The following ARHGEF4 variants were observed in gnomAD, a reference collection of about 807,000 sequenced individuals.
ARHGEF4 encodes the protein APC-stimulated guanine nucleotide exchange factor 1.
A neutral mutation model predicts 162.0 loss-of-function variants in ARHGEF4; 119 were observed. The observed-to-expected ratio is 0.73, with a 90% confidence interval of 0.63 to 0.86. ARHGEF4 has a LOEUF of 0.86. Among genes scored for constraint, ARHGEF4 ranks in the 40% least tolerant of loss-of-function variants. The pLI is 0.00. For synonymous variants in ARHGEF4, 1,014 were observed against 979.9 expected (o/e 1.03, Z -0.65); for missense variants, 2,488 against 2,456.0 (o/e 1.01, Z -0.28).
chr2:130,889,283 G>A (rs982448506), intron 1 of ARHGEF4, among the ~76,000 whole-genome samples: 5 of 151,918 alleles, frequency 3.3e-5, no homozygotes, highest in African/African-American at 9.7e-5. Flanking sequence ...ACTGACTTCT[G>A]CAGTACTCTT....
intron 1 of ARHGEF4, among the ~76,000 whole-genome samples, chr2:130,855,990 G>A (rs1681755247): frequency 6.6e-6 from 1 of 152,182 alleles, no homozygotes. Context: ...ATAGGAAAGT[G>A]TGACCCATAT....
At chr2:131,006,661 C>A (rs1688130590) in intron 4 of ARHGEF4, among the ~76,000 whole-genome samples, 1 of 152,172 alleles carries the variant, frequency 6.6e-6, no homozygotes, top group African/African-American at 2.4e-5. Context: ...ACCTAGGCAT[C>A]TTTTATGCTT....
At position 130,900,321 on chromosome 2, in the gene ARHGEF4, CCG is replaced by C. The variant is rs531562273; in HGVS notation, c.40-13664_40-13663del. 2.6e-3 allele frequency among the ~76,000 whole-genome samples: 396 copies of C among 152,252 alleles called. 2 individuals are homozygous for C. The highest frequency in any genetic ancestry group is 9.1e-3 in the African/African-American group (379 of 41,534). ...TATTGCTGATAGTCCTCAACTATAA[CCG>C]TGGGTTTTTCTATTTCTTTTTTGAG... On this transcript the variant is annotated intron_variant, in intron 1 of 13. Transcript: ENST00000409359.
At chr2:130,838,670 GAAGGA>G in intron 1 of ARHGEF4, among the ~76,000 whole-genome samples, 1 of 151,940 alleles carries the variant, frequency 6.6e-6, no homozygotes, top group Non-Finnish European at 1.5e-5. Flanking sequence ...GGGAGGGAAG[GAAGGA>G]AAGAAACGTG....
At chr2:130,956,436 G>T (rs1684277185) in intron 4 of ARHGEF4, among the ~76,000 whole-genome samples, 1 of 151,908 alleles carries the variant, frequency 6.6e-6, no homozygotes, top group Admixed American at 6.6e-5. Flanking sequence ...TCTAGAACTA[G>T]AAATACCATT....
intron 1 of ARHGEF4, among the ~76,000 whole-genome samples, chr2:130,907,997 A>G (rs1245721897): frequency 6.6e-6 from 1 of 151,920 alleles, no homozygotes; most frequent in Admixed American, 6.6e-5. Context: ...TCGTGTGAGT[A>G]TAATTTTTCC....
At chr2:130,909,485 G>T (rs1681038183) in intron 1 of ARHGEF4, among the ~76,000 whole-genome samples, 1 of 152,178 alleles carries the variant, frequency 6.6e-6, no homozygotes, top group Non-Finnish European at 1.5e-5. Context: ...GATAAAGGTT[G>T]CCTGGGGAAG....
At position 130,917,085 on chromosome 2, in the gene ARHGEF4, T is replaced by C. The variant is rs1372653289; in HGVS notation, c.3139T>C (p.Phe1047Leu). The change falls in exon 2 of 14, where the codon TTT becomes CTT. Residue 1047 changes from phenylalanine (F) to leucine (L), a missense_variant. Around this residue, in one of 6 missense-constraint regions of ARHGEF4, gnomAD observed 1,642 missense variants for 1,481.5 expected, o/e 1.11. Coordinates refer to ENST00000409359, the MANE Select transcript of ARHGEF4 (RefSeq NM_001367493.1). ...EGGRYLPSGIFPEKSWLASPG... is the reference protein window; with the variant it reads ...EGGRYLPSGILPEKSWLASPG... The stretch of plus-strand genomic sequence containing the variant: ...CGGTAGGTACCTACCTTCAGGTATC[T>C]TTCCGGAAAAGTCCTGGCTGGCGTC... The C allele has an allele frequency of 9.0e-6, 14 of 1,550,498 alleles. No homozygotes were observed. The highest frequency in any genetic ancestry group is 1.2e-5 in the Non-Finnish European group (14 of 1,146,982).
At chr2:130,988,450 A>G (rs889021933) in intron 4 of ARHGEF4, among the ~76,000 whole-genome samples, 4 of 152,210 alleles carry the variant, frequency 2.6e-5, no homozygotes, top group African/African-American at 9.6e-5. Flanking sequence ...ATTCACTGTT[A>G]CTGGTTTTTA....
Position 130,989,683 on chromosome 2 carries a change from T to C in ARHGEF4, c.3986-38262T>C, listed in dbSNP as rs550471304. On this transcript the variant is annotated intron_variant, in intron 4 of 13. Transcript: ENST00000409359. ...TCTGTGCATTTAGTCATAGCTGGGA[T>C]CACCCTGTAGCCTCCCTTCCATATT... 3.3e-5 allele frequency among the ~76,000 whole-genome samples: 5 copies of C among 152,360 alleles called. No individual in the cohort carries two copies. The East Asian group carries it at 9.6e-4, about 29-fold the overall frequency.
At chr2:130,949,264 TATTTCCAAATTTCAGTTC>T (rs1683807958) in intron 4 of ARHGEF4, among the ~76,000 whole-genome samples, 1 of 152,244 alleles carries the variant, frequency 6.6e-6, no homozygotes, top group Non-Finnish European at 1.5e-5. Flanking sequence ...ATTTTCTTGT[TATTTCCAAATTTCAGTTC>T]ATTTCCAAAT....
chr2:130,988,533 A>G (rs1686673450), intron 4 of ARHGEF4, among the ~76,000 whole-genome samples: 1 of 152,184 alleles, frequency 6.6e-6, no homozygotes, highest in South Asian at 2.1e-4. Context: ...CAACCCAGAA[A>G]CAATTGCTAT....
At chr2:131,027,057 T>C (rs1341910069) in intron 4 of ARHGEF4, among the ~76,000 whole-genome samples, 1 of 152,188 alleles carries the variant, frequency 6.6e-6, no homozygotes, top group Non-Finnish European at 1.5e-5. Context: ...AAAGCAGGGT[T>C]GAGAAACAAT....
chr2:131,001,474 A>G (rs1687766440), intron 4 of ARHGEF4, among the ~76,000 whole-genome samples: 1 of 152,206 alleles, frequency 6.6e-6, no homozygotes, highest in Non-Finnish European at 1.5e-5. Flanking sequence ...GAGAAGCAAC[A>G]AGAGAAACCA....
At chr2:130,960,931 G>A (rs1001896787) in intron 4 of ARHGEF4, among the ~76,000 whole-genome samples, 11 of 152,164 alleles carry the variant, frequency 7.2e-5, no homozygotes, top group East Asian at 1.9e-4. Context: ...TGAGGTCTCC[G>A]GAAGATTAAA....
In ARHGEF4 at chr2:130,946,590, A is replaced by G. The variant is rs746838782; in HGVS notation, c.3940A>G (p.Thr1314Ala). 1.2e-6 allele frequency: 2 copies of G among 1,614,006 alleles called. No homozygotes were observed. The highest frequency in any genetic ancestry group is 2.2e-5 in the South Asian group (2 of 91,066). The change falls in exon 4 of 14, where the codon ACG (threonine) becomes GCG (alanine). Residue 1314 changes from threonine (T) to alanine (A), a missense_variant. Transcript: ENST00000409359. Reference protein sequence around the residue: ...RSHPLSQSAPTGLNHMGWPEH... With the variant: ...RSHPLSQSAPAGLNHMGWPEH... Reference sequence around the variant, plus strand: ...CCATCCACTCTCCCAGAGTGCTCCAACGGGACTGAACCACATGGGCTGGCC... The same window carrying G: ...CCATCCACTCTCCCAGAGTGCTCCAGCGGGACTGAACCACATGGGCTGGCC...
chr2:130,843,776 C>T (rs1447053294), intron 1 of ARHGEF4, among the ~76,000 whole-genome samples: 1 of 152,240 alleles, frequency 6.6e-6, no homozygotes, highest in East Asian at 1.9e-4. Context: ...AGGGCAGGGC[C>T]AGGGTTTGGA....
chr2:130,899,623 G>A (rs569683404), intron 1 of ARHGEF4, among the ~76,000 whole-genome samples: 2 of 152,320 alleles, frequency 1.3e-5, no homozygotes, highest in South Asian at 2.1e-4. Flanking sequence ...CAGGTGAGAG[G>A]GAGCCTTTGG....
rs1050329255 is a variant in ARHGEF4 at position 130,987,437 on chromosome 2, A to G, written c.3986-40508A>G. ...GCGGTAGCAAAAGAGCGAAAGGACA[A>G]TGCTTCCACAGCATGGAACAGGACC... On this transcript the variant is annotated intron_variant, in intron 4 of 13. Coordinates refer to ENST00000409359, the MANE Select transcript of ARHGEF4 (RefSeq NM_001367493.1). 4.6e-5 allele frequency among the ~76,000 whole-genome samples: 7 copies of G among 152,294 alleles called. No individual in the cohort carries two copies. In the East Asian group the frequency reaches 5.8e-4, roughly 13 times the overall value.
Sources: allele counts gnomAD v4.1 joint callset (sites outside exome capture counted in the v4.1 genomes callset), GRCh38; gene constraint gnomAD v4.1.1; regional missense constraint gnomAD v4.1.1; transcripts MANE v1.5; gene names NCBI Gene and HGNC (gene_info 2026-07-23, HGNC 2026-07-21).